The following FAT3 variants were observed in gnomAD, a reference collection of about 807,000 sequenced individuals.
FAT3 encodes the protein protocadherin Fat 3.
Under a neutral mutation model 310.2 loss-of-function variants are expected in FAT3, and 95 were observed. The observed-to-expected ratio is 0.31, with a 90% CI of 0.26 to 0.36. FAT3 has a LOEUF of 0.36. Among genes scored for constraint, FAT3 ranks in the 10% least tolerant of loss-of-function variants. FAT3 has a pLI of 1.00. For synonymous variants in FAT3, 2,314 were observed against 2,192.9 expected, an observed-to-expected ratio of 1.06 and a Z score of -1.54; for missense variants, 5,408 against 5,715.6, an observed-to-expected ratio of 0.95 and a Z score of 1.74.
rs1241053262 is a variant in FAT3, at chr11:92,229,514, G to GTT, written c.-18+4348_-18+4349dup. Among the ~76,000 whole-genome samples the GTT allele has an allele frequency of 6.7e-5, 4 of 59,310 alleles. 1 individual carries two copies. In the South Asian group the frequency reaches 3.6e-3, roughly 53 times the overall value. The allele number at this position is 59,310 out of a possible 152,430, so 38.9% of individuals were successfully genotyped here. Reference sequence around the variant, plus strand: ...CGTGTTTTTTTTTTTTTTGTTTTTTGTTTTTTTTTACATTGCCTCCCTTTC... The same window carrying GTT: ...CGTGTTTTTTTTTTTTTTGTTTTTTGTTTTTTTTTTTACATTGCCTCCCTTTC... On this transcript the variant is annotated intron_variant, in intron 1 of 27. Transcript: ENST00000525166.
At chr11:92,607,897 A>G (rs971260840) in intron 3 of FAT3, among the ~76,000 whole-genome samples, 15 of 151,910 alleles carry the variant, frequency 9.9e-5, no homozygotes, top group Admixed American at 9.8e-4. Flanking sequence ...ACCCTTTCCA[A>G]TTTCCTTTGT....
chr11:92,497,932 T>G (rs1362657427), intron 2 of FAT3, among the ~76,000 whole-genome samples: 1 of 152,042 alleles, frequency 6.6e-6, no homozygotes, highest in Non-Finnish European at 1.5e-5. Flanking sequence ...AGATCCCTTT[T>G]ATGTTGACTC....
At chr11:92,749,292 G>GCA (rs377304020) in intron 4 of FAT3, among the ~76,000 whole-genome samples, 5,298 of 151,120 alleles carry the variant, frequency 0.035, 142 homozygotes, top group Non-Finnish European at 0.054. Context: ...ACACAAATAG[G>GCA]CACACACACA....
intron 4 of FAT3, among the ~76,000 whole-genome samples, chr11:92,753,798 G>GTGTGTGTGTGTGTGTGTA: frequency 1.7e-5 from 2 of 119,110 alleles, no homozygotes; most frequent in African/African-American, 7.8e-5. Context: ...GTGTGTGTGT[G>GTGTGTGTGTGTGTGTGTA]TATATATATA....
chr11:92,768,614 C>A (rs902092424), intron 6 of FAT3, among the ~76,000 whole-genome samples: 1 of 152,204 alleles, frequency 6.6e-6, no homozygotes, highest in African/African-American at 2.4e-5. Flanking sequence ...CATGGAAACT[C>A]TCATCTCTCT....
At chr11:92,306,429 T>TC (rs1347923263) in intron 1 of FAT3, among the ~76,000 whole-genome samples, 1 of 144,314 alleles carries the variant, frequency 6.9e-6, no homozygotes, top group East Asian at 2.0e-4. Flanking sequence ...TTAGTACCCT[T>TC]CCCCCCATGA....
intron 1 of FAT3, among the ~76,000 whole-genome samples, chr11:92,228,676 G>A (rs1448892399): frequency 6.6e-6 from 1 of 152,174 alleles, no homozygotes; most frequent in South Asian, 2.1e-4. Context: ...CTGTTGCGTT[G>A]TTATGCTATA....
At chr11:92,648,006 A>G (rs988746613) in intron 3 of FAT3, among the ~76,000 whole-genome samples, 3 of 152,118 alleles carry the variant, frequency 2.0e-5, no homozygotes, top group African/African-American at 7.2e-5. Context: ...TCTGTTAGGG[A>G]TAGAAGAGCC....
chr11:92,250,852 T>A (rs530233192), intron 1 of FAT3, among the ~76,000 whole-genome samples: 1 of 152,288 alleles, frequency 6.6e-6, no homozygotes, highest in South Asian at 2.1e-4. Flanking sequence ...AGAAATGTTC[T>A]GGGAATAGCT....
At chr11:92,874,819 A>C (rs1264518722) in intron 22 of FAT3, among the ~76,000 whole-genome samples, 3 of 152,134 alleles carry the variant, frequency 2.0e-5, no homozygotes, top group Admixed American at 2.0e-4. Context: ...CATTACAGGC[A>C]TGAGCCACCA....
chr11:92,757,177 G>A (rs1946022081), intron 4 of FAT3, among the ~76,000 whole-genome samples: 1 of 151,960 alleles, frequency 6.6e-6, no homozygotes, highest in Non-Finnish European at 1.5e-5. Flanking sequence ...GCCCACCTCG[G>A]CCTCCCAAAG....
chr11:92,787,124 C>G (rs1257979305), intron 7 of FAT3, among the ~76,000 whole-genome samples: 1 of 152,054 alleles, frequency 6.6e-6, no homozygotes, highest in Non-Finnish European at 1.5e-5. Flanking sequence ...CTAAATGTCC[C>G]CCGGAAGACA....
intron 1 of FAT3, among the ~76,000 whole-genome samples, chr11:92,270,978 C>T (rs1465599676): frequency 6.6e-6 from 1 of 152,014 alleles, no homozygotes; most frequent in Non-Finnish European, 1.5e-5. Context: ...TGTTTGACTT[C>T]CAAAATATAT....
At chr11:92,525,953 G>T (rs114294473) in intron 3 of FAT3, among the ~76,000 whole-genome samples, 1,624 of 152,246 alleles carry the variant, frequency 0.011, 30 homozygotes, top group African/African-American at 0.037. Context: ...GAATGTCAGG[G>T]TTTAAGAAAG....
intron 4 of FAT3, among the ~76,000 whole-genome samples, chr11:92,710,872 A>G (rs1177005358): frequency 6.6e-6 from 1 of 152,234 alleles, no homozygotes; most frequent in African/African-American, 2.4e-5. Flanking sequence ...TAAAGCAAGT[A>G]CACACCTAGG....
chr11:92,441,642 A>AAAAAC (rs775105423), intron 2 of FAT3, among the ~76,000 whole-genome samples: 9 of 129,196 alleles, frequency 7.0e-5, no homozygotes, highest in Admixed American at 4.4e-4. Flanking sequence ...ATTTAAAACT[A>AAAAAC]AAAACAAAAC....
intron 3 of FAT3, among the ~76,000 whole-genome samples, chr11:92,562,706 T>G (rs1385247656): frequency 6.6e-6 from 1 of 152,176 alleles, no homozygotes; most frequent in Non-Finnish European, 1.5e-5. Flanking sequence ...GACTCTGTTA[T>G]AATTCCTGGA....
chr11:92,278,085 A>T (rs1420605474), intron 1 of FAT3, among the ~76,000 whole-genome samples: 1 of 152,148 alleles, frequency 6.6e-6, no homozygotes, highest in Non-Finnish European at 1.5e-5. Context: ...GTGTCAAAAA[A>T]TAGAACACTA....
chr11:92,712,306 G>C lies in FAT3; in HGVS notation c.3669+14861G>C, dbSNP rs147077058. On this transcript the variant is annotated intron_variant, in intron 4 of 27. Coordinates refer to ENST00000525166, the MANE Select transcript of FAT3 (RefSeq NM_001367949.2). ...GAGCTATTAAGAAAAAGGGACTCTGGAAAGACTCTTACGTGCATGCCAAGA... is the reference window on the plus strand; with the variant it reads ...GAGCTATTAAGAAAAAGGGACTCTGCAAAGACTCTTACGTGCATGCCAAGA... Among the ~76,000 whole-genome samples the C allele has an allele frequency of 3.3e-5, 5 of 152,236 alleles. No individual in the cohort carries two copies. In the East Asian group the frequency reaches 9.7e-4, roughly 29 times the overall value.
Sources: allele counts gnomAD v4.1 joint callset (sites outside exome capture counted in the v4.1 genomes callset), GRCh38; gene constraint gnomAD v4.1.1; transcripts MANE v1.5; gene names NCBI Gene and HGNC (gene_info 2026-07-23, HGNC 2026-07-21).